Variants in PDZK1 observed in about 807,000 individuals in gnomAD.
PDZK1 encodes PDZ domain containing 1.
In PDZK1, 23 loss-of-function variants were observed where a neutral mutation model predicts 38.1. The observed-to-expected ratio is 0.60, with a 90% CI of 0.43 to 0.85. The LOEUF (loss-of-function observed/expected upper bound fraction) is 0.85, where lower values mean the gene tolerates loss of function less well. Among genes scored for constraint, PDZK1 ranks in the 40% least tolerant of loss-of-function variants. PDZK1 has a pLI of 0.00. For synonymous variants in PDZK1, 98 were observed against 186.2 expected, an observed-to-expected ratio of 0.53 and a Z score of 3.86; for missense variants, 297 against 504.3, an observed-to-expected ratio of 0.59 and a Z score of 3.94.
chr1:145,700,432 C>A (rs1246018138), intron 1 of PDZK1, among the ~76,000 whole-genome samples: 1 of 152,060 alleles, frequency 6.6e-6, no homozygotes, highest in African/African-American at 2.4e-5. Flanking sequence ...ACATAGGGAC[C>A]CAAGGAACAG....
At chr1:145,706,455 C>T (rs1393348786) in intron 1 of PDZK1, among the ~76,000 whole-genome samples, 2 of 152,142 alleles carry the variant, frequency 1.3e-5, no homozygotes, top group African/African-American at 4.8e-5. Flanking sequence ...CTTCTAGATA[C>T]AAGACTGAAA....
At chr1:145,696,180 C>G (rs1196475154) in intron 1 of PDZK1, among the ~76,000 whole-genome samples, 2 of 152,208 alleles carry the variant, frequency 1.3e-5, no homozygotes, top group Non-Finnish European at 2.9e-5. Flanking sequence ...GTGCTTTGGG[C>G]TCCTCTTAGT....
At chr1:145,707,116 C>CA (rs1553705862) in intron 1 of PDZK1, among the ~76,000 whole-genome samples, 1 of 152,116 alleles carries the variant, frequency 6.6e-6, no homozygotes, top group Non-Finnish European at 1.5e-5. Context: ...GGGGCATCTC[C>CA]AGCAGAAAGA....
chr1:145,680,422 A>G (rs587636862), intron 5 of PDZK1, among the ~76,000 whole-genome samples: 2 of 151,952 alleles, frequency 1.3e-5, no homozygotes, highest in African/African-American at 2.4e-5. Context: ...ATTGAGTTGC[A>G]AGGAAGGAGG....
intron 3 of PDZK1, among the ~76,000 whole-genome samples, chr1:145,685,958 A>G (rs1654720127): frequency 1.3e-5 from 2 of 152,110 alleles, no homozygotes; most frequent in South Asian, 4.1e-4. Context: ...GAGGGTGGAA[A>G]TTTTTGCGGT....
chr1:145,676,462 G>C (rs1188972397), intron 6 of PDZK1, among the ~76,000 whole-genome samples: 45 of 151,780 alleles, frequency 3.0e-4, no homozygotes, highest in African/African-American at 9.2e-4. Context: ...TGGCCCGGGC[G>C]TGTTGGCTTA....
At chr1:145,676,398 C>G (rs1483125530) in intron 6 of PDZK1, among the ~76,000 whole-genome samples, 4 of 151,846 alleles carry the variant, frequency 2.6e-5, no homozygotes, top group African/African-American at 9.7e-5. Flanking sequence ...AAGCTAGCTC[C>G]CTATGGCTTC....
intron 5 of PDZK1, among the ~76,000 whole-genome samples, 170 bp from the exon 6 acceptor site, chr1:145,678,815 A>G (rs1478627361): frequency 2.1e-5 from 3 of 141,770 alleles, no homozygotes; most frequent in East Asian, 2.2e-4. Flanking sequence ...CACACTATCT[A>G]GGCTCGTTTC....
intron 6 of PDZK1, among the ~76,000 whole-genome samples, chr1:145,677,888 A>G (rs1175898395): frequency 6.9e-6 from 1 of 144,010 alleles, no homozygotes; most frequent in African/African-American, 2.7e-5. Context: ...AAACTAGACA[A>G]CCTCAGTTCT....
rs1223388650 is a variant in PDZK1 at position 145,683,441 on chromosome 1, A to G, written c.461-805T>C. 4.6e-5 allele frequency among the ~76,000 whole-genome samples: 7 copies of G among 152,204 alleles called. No individual in the cohort carries two copies. The East Asian group carries it at 1.2e-3, about 25-fold the overall frequency. ...TACCATTCTCTCCTCTTCAGTTTGT[A>G]CTATTATATTAGCCATCGTATGCTG... On this transcript the variant is annotated intron_variant, in intron 3 of 8. Coordinates refer to ENST00000417171, the MANE Select transcript of PDZK1 (RefSeq NM_001201325.2).
At chr1:145,691,949 G>C (rs587758792) in intron 1 of PDZK1, 1 of 152,116 alleles carries the variant, frequency 6.6e-6, no homozygotes, top group East Asian at 1.9e-4. Flanking sequence ...GGAACCGCTC[G>C]GGGGTGAGAG....
At chr1:145,701,221 C>G (rs1655942654) in intron 1 of PDZK1, among the ~76,000 whole-genome samples, 1 of 151,148 alleles carries the variant, frequency 6.6e-6, no homozygotes, top group Non-Finnish European at 1.5e-5. Flanking sequence ...AAAACAAACA[C>G]TTAGCAGGAC....
At chr1:145,697,405 A>G (rs1054748705) in intron 1 of PDZK1, among the ~76,000 whole-genome samples, 1 of 152,216 alleles carries the variant, frequency 6.6e-6, no homozygotes, top group Non-Finnish European at 1.5e-5. Context: ...GAATAATCAG[A>G]AAACAAAATG....
intron 1 of PDZK1, among the ~76,000 whole-genome samples, chr1:145,699,903 G>A (rs1655860277): frequency 6.6e-6 from 1 of 152,170 alleles, no homozygotes; most frequent in South Asian, 2.1e-4. Flanking sequence ...AGAATAGGAA[G>A]CACATGTGGA....
intron 1 of PDZK1, among the ~76,000 whole-genome samples, chr1:145,706,437 C>T (rs758710775): frequency 6.6e-6 from 1 of 152,172 alleles, no homozygotes; most frequent in Non-Finnish European, 1.5e-5. Context: ...CCTGCTACCC[C>T]CTCTTGCCTT....
chr1:145,687,789 A>G lies in PDZK1; in HGVS notation c.210+23T>C, dbSNP rs782245382. On this transcript the variant is annotated intron_variant, in intron 2 of 8. Coordinates refer to ENST00000417171, the MANE Select transcript of PDZK1 (RefSeq NM_001201325.2). ...TGGGGGCTGAAGAGATCCTGGAAGAAAAGCCCCAAATGTCTCATTCACCTG... is the reference window on the plus strand; with the variant it reads ...TGGGGGCTGAAGAGATCCTGGAAGAGAAGCCCCAAATGTCTCATTCACCTG... 8 of 1,579,416 alleles carry G rather than the reference A, an allele frequency of 5.1e-6. No individual in the cohort carries two copies. The African/African-American group carries it at 1.1e-4, about 21-fold the overall frequency.
chr1:145,689,246 G>A (rs1655047799), intron 1 of PDZK1, among the ~76,000 whole-genome samples: 1 of 152,258 alleles, frequency 6.6e-6, no homozygotes. Context: ...ACTATGCCCT[G>A]CTAACTAATT....
chr1:145,703,718 A>C (rs781916606), intron 1 of PDZK1, among the ~76,000 whole-genome samples: 6 of 152,236 alleles, frequency 3.9e-5, no homozygotes, highest in African/African-American at 7.2e-5. Context: ...ATCAGAGCAC[A>C]GTTATATGTT....
intron 1 of PDZK1, among the ~76,000 whole-genome samples, chr1:145,699,155 T>C (rs993854927): frequency 1.3e-5 from 2 of 151,618 alleles, no homozygotes; most frequent in South Asian, 4.2e-4. Context: ...GGAGAATCAC[T>C]TGAACCCAGG....
Sources: gnomAD v4.1 joint callset for allele counts (sites outside exome capture counted in the v4.1 genomes callset) on GRCh38, gnomAD v4.1.1 for gene constraint, MANE v1.5 for transcripts, NCBI Gene and HGNC (gene_info 2026-07-23, HGNC 2026-07-21) for gene names.